The following CDH12 variants were observed in gnomAD, a reference collection of about 807,000 sequenced individuals.
CDH12 encodes the protein cadherin-12.
A neutral mutation model predicts 74.1 loss-of-function variants in CDH12; 41 were observed. The ratio of observed to expected loss-of-function variants is 0.55; its 90% CI spans 0.43 to 0.72. CDH12 has a LOEUF of 0.72. CDH12 is among the 30% of genes least tolerant of loss of function. The pLI is 0.00. For synonymous variants in CDH12, 399 were observed against 355.0 expected, an observed-to-expected ratio of 1.12 and a Z score of -1.39; for missense variants, 945 against 977.2, an observed-to-expected ratio of 0.97 and a Z score of 0.44.
At chr5:22,587,225 C>T (rs571050879) in intron 1 of CDH12, among the ~76,000 whole-genome samples, 2 of 152,130 alleles carry the variant, frequency 1.3e-5, no homozygotes, top group South Asian at 4.2e-4. Flanking sequence ...GGGTTAGTTA[C>T]ATAGGAGTAT....
chr5:22,468,937 A>C (rs1227213008), intron 2 of CDH12, among the ~76,000 whole-genome samples: 1 of 152,220 alleles, frequency 6.6e-6, no homozygotes, highest in Admixed American at 6.5e-5. Flanking sequence ...ACACAATTGA[A>C]TATTTTTAAC....
At chr5:22,427,071 C>T (rs1298493098) in intron 2 of CDH12, among the ~76,000 whole-genome samples, 5 of 152,080 alleles carry the variant, frequency 3.3e-5, no homozygotes, top group Non-Finnish European at 5.9e-5. Flanking sequence ...TTTTTGCCTC[C>T]TCTTCTTTCC....
At chr5:22,234,691 T>C (rs956798398) in intron 3 of CDH12, among the ~76,000 whole-genome samples, 1 of 151,984 alleles carries the variant, frequency 6.6e-6, no homozygotes, top group African/African-American at 2.4e-5. Context: ...AATGTGCATA[T>C]ATATATTTAT....
chr5:22,361,134 C>A (rs1321119046), intron 3 of CDH12, among the ~76,000 whole-genome samples: 1 of 152,128 alleles, frequency 6.6e-6, no homozygotes, highest in Non-Finnish European at 1.5e-5. Context: ...AAGAGGAAGT[C>A]AAATTGTCCC....
intron 1 of CDH12, among the ~76,000 whole-genome samples, chr5:22,729,771 A>G (rs1335924305): frequency 6.6e-6 from 1 of 151,932 alleles, no homozygotes; most frequent in Non-Finnish European, 1.5e-5. Context: ...ACAGCAGGTA[A>G]GAATGCCAGC....
At chr5:22,129,595 A>C (rs1246135184) in intron 4 of CDH12, among the ~76,000 whole-genome samples, 4 of 152,168 alleles carry the variant, frequency 2.6e-5, no homozygotes, top group African/African-American at 9.7e-5. Context: ...TTGAATGTTA[A>C]GACAAAGATA....
At chr5:21,755,478 A>T in intron 14 of CDH12, 113 bp downstream of exon 14, 1 of 866,504 alleles carries the variant, frequency 1.2e-6, no homozygotes, top group Non-Finnish European at 1.8e-6. Flanking sequence ...TGACATGTCA[A>T]TGAATAAAAA....
chr5:22,733,654 G>A (rs990564916), intron 1 of CDH12, among the ~76,000 whole-genome samples: 1 of 151,724 alleles, frequency 6.6e-6, no homozygotes, highest in African/African-American at 2.4e-5. Context: ...GCCCAAGTCC[G>A]TGAAATGAAC....
intron 4 of CDH12, among the ~76,000 whole-genome samples, chr5:22,102,436 A>C (rs1744188819): frequency 6.6e-6 from 1 of 152,132 alleles, no homozygotes; most frequent in Non-Finnish European, 1.5e-5. Flanking sequence ...TGGGAGGCCG[A>C]AGCAAGTGGA....
At chr5:22,612,934 G>T (rs72637720) in intron 1 of CDH12, among the ~76,000 whole-genome samples, 10,510 of 152,178 alleles carry the variant, frequency 0.069, 452 homozygotes, top group East Asian at 0.24. Flanking sequence ...CTTGGAAGAA[G>T]TGAAATTTGA....
intron 11 of CDH12, among the ~76,000 whole-genome samples, chr5:21,773,340 A>C (rs1256299609): frequency 6.6e-6 from 1 of 152,110 alleles, no homozygotes; most frequent in African/African-American, 2.4e-5. Flanking sequence ...AGGCAGACCC[A>C]CCCTCAATTC....
intron 8 of CDH12, among the ~76,000 whole-genome samples, chr5:21,822,825 A>G (rs1373251319): frequency 2.0e-5 from 3 of 152,114 alleles, no homozygotes; most frequent in African/African-American, 7.2e-5. Flanking sequence ...TATCCGTCAT[A>G]TTAATGAATT....
At chr5:22,333,571 A>T (rs1364423883) in intron 3 of CDH12, among the ~76,000 whole-genome samples, 2 of 152,150 alleles carry the variant, frequency 1.3e-5, no homozygotes, top group African/African-American at 4.8e-5. Context: ...AGAACTAGTA[A>T]TACTTCTACT....
intron 1 of CDH12, among the ~76,000 whole-genome samples, chr5:22,553,043 C>G (rs1160980571): frequency 6.6e-6 from 1 of 151,916 alleles, no homozygotes; most frequent in African/African-American, 2.4e-5. Context: ...CAATAAATGC[C>G]TACAAAACCT....
chr5:22,128,493 A>T (rs1746004645), intron 4 of CDH12, among the ~76,000 whole-genome samples: 1 of 152,114 alleles, frequency 6.6e-6, no homozygotes, highest in African/African-American at 2.4e-5. Flanking sequence ...CTACACTTAA[A>T]ACACTTCTTC....
intron 1 of CDH12, among the ~76,000 whole-genome samples, chr5:22,579,299 A>G (rs1448959032): frequency 6.6e-6 from 1 of 152,154 alleles, no homozygotes; most frequent in Non-Finnish European, 1.5e-5. Context: ...TATATTCATG[A>G]ATATCAGATG....
intron 6 of CDH12, among the ~76,000 whole-genome samples, chr5:21,924,537 C>A (rs963886003): frequency 4.6e-5 from 7 of 151,188 alleles, no homozygotes; most frequent in Admixed American, 2.6e-4. Flanking sequence ...TACATGAATA[C>A]ATAAATAAAT....
At position 22,464,011 on chromosome 5, in the gene CDH12, A is replaced by T. The variant is rs570348228; in HGVS notation, c.-428+41259T>A. On this transcript the variant is annotated intron_variant, in intron 2 of 14. Coordinates refer to ENST00000382254, the MANE Select transcript of CDH12 (RefSeq NM_004061.5). The stretch of plus-strand genomic sequence containing the variant: ...TCTCATCTTGAATTGTAACTCCCAG[A>T]GTTCCCATGTGTCTTGGGAGGAACC... Among the ~76,000 whole-genome samples the T allele has an allele frequency of 7.9e-5, 12 of 152,332 alleles. No homozygotes were observed. In the South Asian group the frequency reaches 2.5e-3, roughly 32 times the overall value.
intron 3 of CDH12, chr5:22,213,841 T>C (rs1044794555): frequency 7.9e-5 from 12 of 152,306 alleles, no homozygotes; most frequent in African/African-American, 2.9e-4. Context: ...ACAATGATCC[T>C]GAGTGATATG....
Sources: allele counts gnomAD v4.1 joint callset (sites outside exome capture counted in the v4.1 genomes callset), GRCh38; gene constraint gnomAD v4.1.1; transcripts MANE v1.5; gene names NCBI Gene and HGNC (gene_info 2026-07-23, HGNC 2026-07-21).